The following MYO1E variants were observed in gnomAD, a reference collection of about 807,000 sequenced individuals.
The protein encoded by MYO1E is unconventional myosin-Ie.
Under a neutral mutation model 151.1 loss-of-function variants are expected in MYO1E, and 68 were observed. The observed-to-expected ratio is 0.45, with a 90% confidence interval of 0.37 to 0.55. MYO1E has a LOEUF of 0.55. Among genes scored for constraint, MYO1E ranks in the 20% least tolerant of loss-of-function variants. MYO1E has a pLI of 0.00. For missense variants in MYO1E, 1,363 were observed against 1,389.3 expected, an observed-to-expected ratio of 0.98 and a Z score of 0.30; for synonymous variants, 601 against 501.7, an observed-to-expected ratio of 1.20 and a Z score of -2.64.
At chr15:59,359,291 A>G (rs866267916) in intron 1 of MYO1E, among the ~76,000 whole-genome samples, 1 of 146,020 alleles carries the variant, frequency 6.8e-6, no homozygotes, top group Non-Finnish European at 1.5e-5. Context: ...ATATATATAT[A>G]TATGTATGTG....
intron 1 of MYO1E, among the ~76,000 whole-genome samples, chr15:59,326,956 G>C (rs1338346721): frequency 6.6e-6 from 1 of 152,162 alleles, no homozygotes; most frequent in Admixed American, 6.5e-5. Context: ...AACCACTCAG[G>C]GAACAGTGGG....
chr15:59,198,919 G>C (rs909104959), intron 16 of MYO1E, among the ~76,000 whole-genome samples: 2 of 151,992 alleles, frequency 1.3e-5, no homozygotes, highest in African/African-American at 4.8e-5. Context: ...TATAGCTCCA[G>C]CTGCACTCAG....
At chr15:59,324,666 C>CCA (rs1555420284) in intron 1 of MYO1E, among the ~76,000 whole-genome samples, 1 of 149,802 alleles carries the variant, frequency 6.7e-6, no homozygotes, top group Non-Finnish European at 1.5e-5. Flanking sequence ...ATCCCAAGCC[C>CCA]CCCCCCCACA....
At chr15:59,157,019 T>G (rs1484252202) in intron 25 of MYO1E, among the ~76,000 whole-genome samples, 1 of 151,504 alleles carries the variant, frequency 6.6e-6, no homozygotes, top group Admixed American at 6.6e-5. Context: ...ACCTAGGAGT[T>G]CAAGACCAGC....
rs142783045 is a variant in MYO1E at position 59,144,080 on chromosome 15, T to C, written c.3081-5713A>G. Among the ~76,000 whole-genome samples the C allele has an allele frequency of 2.5e-4, 38 of 152,316 alleles. No homozygotes were observed. In the East Asian group the frequency reaches 6.9e-3, roughly 28 times the overall value. On this transcript the variant is annotated intron_variant, in intron 26 of 27. Coordinates refer to ENST00000288235, the MANE Select transcript of MYO1E (RefSeq NM_004998.4). ...GTGGGCTTGAGTCTGTGTGCTGGGT[T>C]TGGGGCCAAGCTCTGCATCTGTAAA...
intron 1 of MYO1E, among the ~76,000 whole-genome samples, chr15:59,369,015 C>A (rs1162525203): frequency 6.6e-6 from 1 of 152,174 alleles, no homozygotes; most frequent in East Asian, 1.9e-4. Flanking sequence ...TGTGCTTGAT[C>A]CCATTCCTTT....
At chr15:59,200,633 AAAC>A (rs2079795394) in intron 16 of MYO1E, among the ~76,000 whole-genome samples, 1 of 152,148 alleles carries the variant, frequency 6.6e-6, no homozygotes, top group African/African-American at 2.4e-5. Context: ...AAAAAGAAAA[AAAC>A]AACAATTAAG....
intron 1 of MYO1E, among the ~76,000 whole-genome samples, chr15:59,285,335 C>CA (rs5812969): frequency 1 from 147,403 of 147,732 alleles, 73,539 homozygotes; most frequent in Middle Eastern, 1. Context: ...CTGGGCAACA[C>CA]GCAAGACACT....
intron 1 of MYO1E, among the ~76,000 whole-genome samples, chr15:59,283,148 T>C (rs1275064248): frequency 6.6e-6 from 1 of 150,892 alleles, no homozygotes; most frequent in African/African-American, 2.4e-5. Flanking sequence ...CCCCTCAAGG[T>C]AGCTGCGCAT....
At chr15:59,202,178 T>C in intron 16 of MYO1E, 148 bp downstream of exon 16, 1 of 700,066 alleles carries the variant, frequency 1.4e-6, no homozygotes, top group African/African-American at 1.8e-5. Flanking sequence ...TGGAACCTTG[T>C]AACAAGCAGC....
intron 2 of MYO1E, among the ~76,000 whole-genome samples, chr15:59,263,735 T>TCTG (rs1371805263): frequency 2.0e-5 from 3 of 152,116 alleles, no homozygotes; most frequent in African/African-American, 7.2e-5. Flanking sequence ...AGTGCCCAGT[T>TCTG]CTGGTCTAAG....
intron 17 of MYO1E, 26 bp from the exon 18 acceptor site, chr15:59,188,242 G>A (rs558290043): frequency 2.3e-5 from 36 of 1,553,720 alleles, no homozygotes; most frequent in Non-Finnish European, 3.0e-5. Context: ...AATGGGGCCT[G>A]GACATTACTG....
intron 4 of MYO1E, among the ~76,000 whole-genome samples, chr15:59,249,945 T>C (rs1270930717): frequency 6.6e-6 from 1 of 151,816 alleles, no homozygotes; most frequent in Non-Finnish European, 1.5e-5. Flanking sequence ...GAAGGAAGAG[T>C]TCCAAAACCA....
chr15:59,366,237 C>G (rs1431455430), intron 1 of MYO1E, among the ~76,000 whole-genome samples: 1 of 152,134 alleles, frequency 6.6e-6, no homozygotes, highest in African/African-American at 2.4e-5. Context: ...CCTCGGCCCC[C>G]CAAAGTGCTG....
intron 1 of MYO1E, among the ~76,000 whole-genome samples, chr15:59,279,828 G>A (rs11071424): frequency 0.91 from 138,626 of 152,262 alleles, 63,455 homozygotes; most frequent in Non-Finnish European, 0.96. Context: ...TTGATTGAAC[G>A]TATGATAGTA....
chr15:59,266,454 G>T (rs1424820576), intron 2 of MYO1E, among the ~76,000 whole-genome samples: 2 of 152,010 alleles, frequency 1.3e-5, no homozygotes, highest in Admixed American at 6.5e-5. Flanking sequence ...GCCTGCCCGT[G>T]GATCTATCAG....
chr15:59,364,178 G>A (rs1442101769), intron 1 of MYO1E, among the ~76,000 whole-genome samples: 1 of 152,140 alleles, frequency 6.6e-6, no homozygotes, highest in Middle Eastern at 3.2e-3. Flanking sequence ...CCCGTTCTCT[G>A]GTAAGACCAC....
intron 19 of MYO1E, among the ~76,000 whole-genome samples, chr15:59,177,952 G>T (rs2079635073): frequency 6.6e-6 from 1 of 152,206 alleles, no homozygotes; most frequent in Non-Finnish European, 1.5e-5. Flanking sequence ...ATGCGTAACT[G>T]ACTTGGTGTC....
chr15:59,206,919 TCC>T (rs1344826168), intron 14 of MYO1E: 1 of 1,599,350 alleles, frequency 6.3e-7, no homozygotes, highest in Non-Finnish European at 8.5e-7. Flanking sequence ...ATTCTCTCTC[TCC>T]ACTTCTTCAG....
Sources: gnomAD v4.1 joint callset for allele counts (sites outside exome capture counted in the v4.1 genomes callset) on GRCh38, gnomAD v4.1.1 for gene constraint, MANE v1.5 for transcripts, NCBI Gene and HGNC (gene_info 2026-07-23, HGNC 2026-07-21) for gene names.